Variants in CUL2 observed in about 807,000 individuals in gnomAD.
CUL2 encodes cullin 2, also known as cullin-2.
CUL2 carries 22 observed loss-of-function variants against 110.2 expected under a neutral mutation model. The ratio of observed to expected loss-of-function variants is 0.20; its 90% confidence interval spans 0.14 to 0.28. The LOEUF is 0.28. CUL2 is among the 10% of genes least tolerant of loss of function. The pLI, the probability that CUL2 is intolerant of heterozygous loss-of-function variation, is 1.00. For missense variants in CUL2, 631 were observed against 905.5 expected, an observed-to-expected ratio of 0.70 and a Z score of 3.89; for synonymous variants, 279 against 293.2, an observed-to-expected ratio of 0.95 and a Z score of 0.49.
chr10:35,079,333 G>GCA (rs1463301259), intron 1 of CUL2, among the ~76,000 whole-genome samples: 5 of 152,194 alleles, frequency 3.3e-5, no homozygotes, highest in African/African-American at 1.2e-4. Flanking sequence ...CGGAAGGTCG[G>GCA]CATTGGGCTA....
At chr10:35,048,200 A>C (rs914578270) in intron 6 of CUL2, among the ~76,000 whole-genome samples, 1 of 141,904 alleles carries the variant, frequency 7.0e-6, no homozygotes, top group African/African-American at 2.7e-5. Flanking sequence ...AGTTTCCTTA[A>C]CTTTAACATG....
intron 9 of CUL2, 122 bp from the exon 10 acceptor site, chr10:35,035,418 C>CCCCATG: frequency 9.6e-7 from 1 of 1,036,832 alleles, no homozygotes; most frequent in Non-Finnish European, 1.4e-6. Flanking sequence ...GAGAAAAGTC[C>CCCCATG]CCCATGCCCA....
In CUL2 at chr10:35,114,173, C is replaced by A. The variant is rs530536521; in HGVS notation, c.-51+12432G>T. On this transcript the variant is annotated intron_variant, in intron 1 of 5. Transcript: ENST00000685421. ...TCCTGACCTCGTGATCCGCCTGCCT[C>A]GGCCTCCCAAAGTGCTGGGATTACA... Among the ~76,000 whole-genome samples, 18 of 151,900 alleles carry A rather than the reference C, an allele frequency of 1.2e-4. No individual in the cohort carries two copies. In the South Asian group the frequency reaches 3.7e-3, roughly 32 times the overall value.
chr10:35,085,430 A>C (rs374707250), intron 1 of CUL2, among the ~76,000 whole-genome samples: 4,527 of 150,102 alleles, frequency 0.03, 223 homozygotes, highest in African/African-American at 0.11. Context: ...ACACCGTCCC[A>C]AAAAAAAATA....
At chr10:35,110,766 C>G (rs573728956) in intron 1 of CUL2, among the ~76,000 whole-genome samples, 1 of 152,060 alleles carries the variant, frequency 6.6e-6, no homozygotes, top group Non-Finnish European at 1.5e-5. Context: ...ATGCATCCCT[C>G]GTATCCCCCT....
chr10:35,078,843 C>T (rs2086882896), intron 1 of CUL2, among the ~76,000 whole-genome samples: 1 of 152,178 alleles, frequency 6.6e-6, no homozygotes, highest in South Asian at 2.1e-4. Flanking sequence ...TACTGATCAG[C>T]AGCACCAATA....
At chr10:35,070,062 C>A (rs1157489566) in intron 2 of CUL2, among the ~76,000 whole-genome samples, 2 of 152,188 alleles carry the variant, frequency 1.3e-5, no homozygotes, top group East Asian at 1.9e-4. Context: ...CCATCAATTA[C>A]TACCCGTATG....
At chr10:35,100,577 C>G (rs747152179) in intron 2 of CUL2, among the ~76,000 whole-genome samples, 1 of 152,054 alleles carries the variant, frequency 6.6e-6, no homozygotes, top group Non-Finnish European at 1.5e-5. Flanking sequence ...GCCTGGCCAA[C>G]ATGGCGAAAC....
chr10:35,035,411 A>G (rs2085596926), intron 9 of CUL2, 115 bp from the exon 10 acceptor site: 11 of 1,168,056 alleles, frequency 9.4e-6, no homozygotes, highest in Admixed American at 2.1e-5. Flanking sequence ...GCACCCAGAG[A>G]AAAGTCCCCC....
At chr10:35,063,146 G>GA (rs2086425986) in intron 2 of CUL2, 84 bp from the exon 3 acceptor site, 2 of 785,550 alleles carry the variant, frequency 2.5e-6, no homozygotes, top group South Asian at 1.6e-5. Flanking sequence ...ATTAAAAAAT[G>GA]AAAAAACATT....
intron 4 of CUL2, among the ~76,000 whole-genome samples, chr10:35,058,785 T>C (rs1016656431): frequency 3.3e-5 from 5 of 152,188 alleles, no homozygotes; most frequent in Non-Finnish European, 1.5e-5. Flanking sequence ...CTAACCCTCC[T>C]AAGAACCTCT....
intron 6 of CUL2, among the ~76,000 whole-genome samples, chr10:35,047,616 A>G (rs1414175473): frequency 1.3e-5 from 2 of 151,552 alleles, no homozygotes; most frequent in African/African-American, 4.9e-5. Flanking sequence ...TCAAAAAAAA[A>G]AAAAAAATAC....
chr10:35,113,747 C>T (rs1346893022), intron 1 of CUL2, among the ~76,000 whole-genome samples: 1 of 151,276 alleles, frequency 6.6e-6, no homozygotes, highest in Non-Finnish European at 1.5e-5. Context: ...CGCTCTGTCA[C>T]CCAGGCTGGA....
At chr10:35,049,826 C>T in intron 5 of CUL2, 61 bp from the exon 6 acceptor site, 1 of 1,150,218 alleles carries the variant, frequency 8.7e-7, no homozygotes, top group Non-Finnish European at 1.3e-6. Flanking sequence ...AACATTTCCT[C>T]AAGGTTTTTT....
At chr10:35,038,137 G>A (rs983026794) in intron 9 of CUL2, among the ~76,000 whole-genome samples, 6 of 152,006 alleles carry the variant, frequency 3.9e-5, no homozygotes, top group East Asian at 1.9e-4. Flanking sequence ...GCGACGGAGC[G>A]AGACTCCATC....
chr10:35,079,431 C>A (rs2135032078), intron 1 of CUL2, among the ~76,000 whole-genome samples: 1 of 152,298 alleles, frequency 6.6e-6, no homozygotes, highest in East Asian at 1.9e-4. Context: ...TCTGGGGATC[C>A]CTTGCTGAGT....
At chr10:35,017,692 C>CAA (rs11307339) in intron 17 of CUL2, among the ~76,000 whole-genome samples, 2 of 126,522 alleles carry the variant, frequency 1.6e-5, no homozygotes, top group Non-Finnish European at 1.7e-5. Context: ...GTATCTGTCT[C>CAA]AAAAAAAAAA....
rs750666560 is a variant in CUL2, at chr10:35,032,050, G to A, written c.1170+385C>T. 8.5e-4 allele frequency among the ~76,000 whole-genome samples: 129 copies of A among 152,140 alleles called. 1 individual carries two copies. The highest frequency in any genetic ancestry group is 4.1e-3 in the Admixed American group (63 of 15,274). On this transcript the variant is annotated intron_variant, in intron 12 of 20. Coordinates refer to ENST00000374749, the MANE Select transcript of CUL2 (RefSeq NM_003591.4). ...TTAAAAGAACACCTAGGTGAGTTTC[G>A]AGTGGTTTTATAATTTTTGACATTG...
intron 4 of CUL2, among the ~76,000 whole-genome samples, chr10:35,056,703 G>A (rs751843874): frequency 5.8e-4 from 88 of 152,154 alleles, no homozygotes; most frequent in Non-Finnish European, 1.9e-4. Context: ...ATTTCGTCAG[G>A]AGCGGTGCTC....
Sources: gnomAD v4.1 joint callset for allele counts (sites outside exome capture counted in the v4.1 genomes callset) on GRCh38, gnomAD v4.1.1 for gene constraint, MANE v1.5 for transcripts, NCBI Gene and HGNC (gene_info 2026-07-23, HGNC 2026-07-21) for gene names.